The following STK32B variants were observed in gnomAD, a reference collection of about 807,000 sequenced individuals.
The protein encoded by STK32B is serine/threonine-protein kinase 32B.
STK32B carries 43 observed loss-of-function variants against 52.6 expected under a neutral mutation model. That is an observed-to-expected ratio of 0.82 (90% CI 0.64 to 1.05). The LOEUF (loss-of-function observed/expected upper bound fraction) is 1.05, where lower values mean the gene tolerates loss of function less well. STK32B is among the 50% of genes least tolerant of loss of function. STK32B has a pLI of 0.00. For missense variants in STK32B, 621 were observed against 534.6 expected (o/e 1.16, Z -1.59); for synonymous variants, 238 against 204.3 (o/e 1.17, Z -1.41).
intron 1 of STK32B, among the ~76,000 whole-genome samples, chr4:5,099,768 GCCTT>G (rs1388153451): frequency 2.0e-5 from 3 of 152,124 alleles, no homozygotes; most frequent in African/African-American, 7.2e-5. Context: ...CAGCTCGGCT[GCCTT>G]CTAGGGACAG....
chr4:5,488,600 A>C (rs1422521949), intron 11 of STK32B, among the ~76,000 whole-genome samples: 1 of 152,170 alleles, frequency 6.6e-6, no homozygotes, highest in Non-Finnish European at 1.5e-5. Flanking sequence ...ACTCACATAG[A>C]CCATGCATGA....
chr4:5,196,334 G>GTTTTTTTTTT (rs35605834), intron 3 of STK32B, among the ~76,000 whole-genome samples: 14 of 87,690 alleles, frequency 1.6e-4, no homozygotes, highest in African/African-American at 4.7e-4. Context: ...TCTTTCTTCA[G>GTTTTTTTTTT]TTTTTTTTTT....
chr4:5,339,318 T>C (rs1339338364), intron 4 of STK32B, among the ~76,000 whole-genome samples: 1 of 152,210 alleles, frequency 6.6e-6, no homozygotes, highest in Non-Finnish European at 1.5e-5. Context: ...TCTATTTCTT[T>C]TGTTTTTCTG....
intron 3 of STK32B, among the ~76,000 whole-genome samples, chr4:5,173,058 A>G (rs1719523269): frequency 6.6e-6 from 1 of 152,170 alleles, no homozygotes; most frequent in African/African-American, 2.4e-5. Context: ...GTGTCGAGGA[A>G]TTTATCCATT....
At chr4:5,320,165 C>G (rs1220415542) in intron 3 of STK32B, among the ~76,000 whole-genome samples, 1 of 152,156 alleles carries the variant, frequency 6.6e-6, no homozygotes, top group African/African-American at 2.4e-5. Context: ...TGTTTCTACA[C>G]TACCTTATCC....
chr4:5,281,737 G>GT (rs1728211940), intron 3 of STK32B, among the ~76,000 whole-genome samples: 1 of 152,166 alleles, frequency 6.6e-6, no homozygotes, highest in African/African-American at 2.4e-5. Context: ...CAAGACAAGA[G>GT]TAAGTGCAAA....
At chr4:5,171,624 A>G (rs140076690) in intron 3 of STK32B, among the ~76,000 whole-genome samples, 23,189 of 142,662 alleles carry the variant, frequency 0.16, 2,699 homozygotes, top group East Asian at 0.32. Flanking sequence ...TTGTAGATAC[A>G]TGGCATTATT....
intron 1 of STK32B, among the ~76,000 whole-genome samples, chr4:5,133,470 T>C (rs1715895954): frequency 1.3e-5 from 2 of 152,116 alleles, no homozygotes; most frequent in Admixed American, 6.5e-5. Flanking sequence ...TGTAGGTCAT[T>C]CATTCATGCA....
intron 1 of STK32B, among the ~76,000 whole-genome samples, chr4:5,101,922 T>C (rs1406821650): frequency 7.9e-5 from 12 of 152,198 alleles, no homozygotes; most frequent in Non-Finnish European, 1.6e-4. Context: ...TCCACAGATA[T>C]TTATTTATAA....
At chr4:5,154,361 A>T (rs939569573) in intron 2 of STK32B, among the ~76,000 whole-genome samples, 1 of 152,060 alleles carries the variant, frequency 6.6e-6, no homozygotes, top group Non-Finnish European at 1.5e-5. Flanking sequence ...GATTAGAGGC[A>T]TGTGCCACCA....
At chr4:5,149,025 G>C (rs1161855868) in intron 2 of STK32B, among the ~76,000 whole-genome samples, 1 of 151,652 alleles carries the variant, frequency 6.6e-6, no homozygotes, top group African/African-American at 2.4e-5. Context: ...TGAGATCAGA[G>C]TACCCATTCT....
intron 6 of STK32B, 82 bp downstream of exon 6, chr4:5,417,016 C>A: frequency 8.0e-7 from 1 of 1,254,818 alleles, no homozygotes; most frequent in Non-Finnish European, 1.1e-6. Flanking sequence ...TCATCTGCCA[C>A]TGCCCGCTGC....
chr4:5,270,479 A>C (rs1446964558), intron 3 of STK32B, among the ~76,000 whole-genome samples: 2 of 152,084 alleles, frequency 1.3e-5, no homozygotes, highest in Non-Finnish European at 2.9e-5. Context: ...TCAAAGGCAG[A>C]TCTCCTTTGG....
intron 3 of STK32B, among the ~76,000 whole-genome samples, chr4:5,250,310 CTTTTTTTTTTT>C (rs143911318): frequency 1.7e-5 from 2 of 119,260 alleles, no homozygotes; most frequent in Non-Finnish European, 3.5e-5. Flanking sequence ...GTTTTAAGTT[CTTTTTTTTTTT>C]TTTTTTTTTG....
In STK32B at chr4:5,378,190, C is replaced by T. The variant is rs1030391152; in HGVS notation, c.435-20017C>T. 5.3e-5 allele frequency among the ~76,000 whole-genome samples: 8 copies of T among 152,176 alleles called. No individual in the cohort carries two copies. Among genetic ancestry groups the T allele is most frequent in the African/African-American group, 9.7e-5 (4 of 41,448 alleles). ...TGTTCATTCATGTCCAGTCCAGTAG[C>T]GCCCACTGGTGACAGCAGGCACTTT... On this transcript the variant is annotated intron_variant, in intron 4 of 11. Transcript: ENST00000282908. The surrounding 1 kb of genome is among the most constrained non-coding windows in gnomAD (Gnocchi z 4.4).
upstream of STK32B, among the ~76,000 whole-genome samples, chr4:5,049,759 GT>G (rs942275038): frequency 5.9e-5 from 9 of 151,940 alleles, no homozygotes; most frequent in Non-Finnish European, 1.0e-4. Context: ...GCTAAGTTTT[GT>G]TTTTTTAGTA....
At chr4:5,270,218 C>A (rs974329493) in intron 3 of STK32B, among the ~76,000 whole-genome samples, 1 of 152,128 alleles carries the variant, frequency 6.6e-6, no homozygotes, top group African/African-American at 2.4e-5. Flanking sequence ...CACACGATTA[C>A]AGGTGAGGTC....
intron 4 of STK32B, among the ~76,000 whole-genome samples, chr4:5,370,369 A>C (rs1450635312): frequency 3.3e-5 from 5 of 152,228 alleles, no homozygotes; most frequent in Non-Finnish European, 5.9e-5. Flanking sequence ...ATTCTTTAGA[A>C]ACTCTTTGGA....
chr4:5,339,475 A>G (rs1483237445), intron 4 of STK32B, among the ~76,000 whole-genome samples: 2 of 151,534 alleles, frequency 1.3e-5, no homozygotes, highest in Admixed American at 6.6e-5. Context: ...GAAACTGTGT[A>G]TCTGAACACA....
Sources: allele counts gnomAD v4.1 joint callset (sites outside exome capture counted in the v4.1 genomes callset), GRCh38; gene constraint gnomAD v4.1.1; non-coding constraint Gnocchi (gnomAD v3.1); transcripts MANE v1.5; gene names NCBI Gene and HGNC (gene_info 2026-07-23, HGNC 2026-07-21).